GLT8D2: variants seen among roughly 807,000 people sequenced by gnomAD.
GLT8D2 encodes the protein glycosyltransferase 8 domain containing 2.
Under a neutral mutation model 44.5 loss-of-function variants are expected in GLT8D2, and 45 were observed. That is an observed-to-expected ratio of 1.01 (90% CI 0.80 to 1.30). The LOEUF is 1.30. Among genes scored for constraint, GLT8D2 ranks in the 50% most tolerant of loss-of-function variants. The pLI, the probability that GLT8D2 is intolerant of heterozygous loss-of-function variation, is 0.00. For missense variants in GLT8D2, 400 were observed against 430.4 expected (o/e 0.93, Z 0.62); for synonymous variants, 156 against 157.2 (o/e 0.99, Z 0.06).
At chr12:104,018,724 A>C (rs972823448) in intron 3 of GLT8D2, among the ~76,000 whole-genome samples, 6 of 152,100 alleles carry the variant, frequency 3.9e-5, no homozygotes, top group Non-Finnish European at 7.4e-5. Context: ...AAATACAAAA[A>C]TTACCCAGGC....
intron 1 of GLT8D2, chr12:104,030,733 C>T: frequency 6.2e-7 from 1 of 1,611,868 alleles, no homozygotes; most frequent in Non-Finnish European, 8.5e-7. Context: ...CAAAGGACTC[C>T]GGAATCTGCT....
chr12:104,063,430 C>T (rs1882857060), intron 1 of GLT8D2, among the ~76,000 whole-genome samples: 1 of 152,182 alleles, frequency 6.6e-6, no homozygotes, highest in South Asian at 2.1e-4. Flanking sequence ...CCTGTAGTTC[C>T]AGCACTTTGG....
intron 1 of GLT8D2, chr12:104,030,812 G>A (rs1879153196): frequency 1.9e-6 from 3 of 1,604,228 alleles, no homozygotes; most frequent in South Asian, 1.1e-5. Context: ...GATCCGGCAC[G>A]GCGAGAGCGC....
intron 4 of GLT8D2, among the ~76,000 whole-genome samples, chr12:104,003,756 T>C (rs144570189): frequency 1.3e-5 from 2 of 152,292 alleles, no homozygotes; most frequent in Non-Finnish European, 2.9e-5. Context: ...ATCTGGATAA[T>C]TGTGGAACTG....
chr12:104,023,789 G>T (rs779639439), intron 1 of GLT8D2, among the ~76,000 whole-genome samples: 4 of 152,170 alleles, frequency 2.6e-5, no homozygotes, highest in Admixed American at 2.6e-4. Flanking sequence ...CCTACAGGAT[G>T]TAATATTTTG....
chr12:104,004,463 T>C (rs553298554), intron 4 of GLT8D2, among the ~76,000 whole-genome samples: 4 of 152,292 alleles, frequency 2.6e-5, no homozygotes, highest in African/African-American at 4.8e-5. Context: ...GATGACATGA[T>C]TGTATATTTA....
At chr12:104,045,945 G>GAA (rs1457247979) in intron 1 of GLT8D2, among the ~76,000 whole-genome samples, 2 of 142,734 alleles carry the variant, frequency 1.4e-5, no homozygotes, top group Admixed American at 7.1e-5. Flanking sequence ...GAAAAAGAAA[G>GAA]AAAGAAAGAA....
intron 1 of GLT8D2, among the ~76,000 whole-genome samples, chr12:104,038,387 T>C (rs1394404924): frequency 1.3e-5 from 2 of 152,200 alleles, no homozygotes; most frequent in Non-Finnish European, 2.9e-5. Flanking sequence ...ATTGTGCATT[T>C]AGAAAACCCC....
intron 1 of GLT8D2, chr12:104,030,842 T>C: frequency 6.3e-7 from 1 of 1,589,544 alleles, no homozygotes; most frequent in Non-Finnish European, 8.6e-7. Context: ...GGAGAACCGC[T>C]TCAGCGGCTG....
chr12:103,995,844 C>G (rs1873348290), intron 8 of GLT8D2, among the ~76,000 whole-genome samples: 1 of 152,202 alleles, frequency 6.6e-6, no homozygotes. Flanking sequence ...TTTCTATACA[C>G]CAGGCCCTTT....
At position 103,999,361 on chromosome 12, in the gene GLT8D2, A is replaced by C. The variant is rs553098429; in HGVS notation, c.402+36T>G. ...CCTTTACTGAACAAAGGTCTCACCA[A>C]GGACTGTCCCCAGCACCTGTGTGGT... is the stretch of plus-strand genomic sequence containing the variant. On this transcript the variant is annotated intron_variant, in intron 6 of 10. Transcript: ENST00000360814. 4.2e-6 allele frequency: 5 copies of C among 1,183,278 alleles called. No homozygotes were observed. In the East Asian group the frequency reaches 1.2e-4, roughly 28 times the overall value. The allele number at this position is 1,183,278 out of a possible 1,614,324, so 73.3% of individuals were successfully genotyped here.
Position 104,034,320 on chromosome 12 carries a change from C to A in GLT8D2, c.-163-12829G>T, listed in dbSNP as rs538336061. 1.3e-3 allele frequency among the ~76,000 whole-genome samples: 191 copies of A among 152,318 alleles called. 1 individual carries two copies. Among genetic ancestry groups the A allele is most frequent in the African/African-American group, 4.5e-3 (188 of 41,582 alleles). ...GTGGGTGCAGCCCACAGAGGGTGAG[C>A]CGAAGCAGGGCAGGGCATTGCCTCA... On this transcript the variant is annotated intron_variant, in intron 1 of 10. Coordinates refer to ENST00000360814, the MANE Select transcript of GLT8D2 (RefSeq NM_001384711.1).
At chr12:104,010,577 G>T (rs1451835529) in intron 4 of GLT8D2, among the ~76,000 whole-genome samples, 1 of 152,042 alleles carries the variant, frequency 6.6e-6, no homozygotes, top group African/African-American at 2.4e-5. Flanking sequence ...GCTCTGTGAG[G>T]GCAGGTATTT....
At chr12:103,993,094 G>T (rs1872972751) in intron 10 of GLT8D2, among the ~76,000 whole-genome samples, 1 of 152,110 alleles carries the variant, frequency 6.6e-6, no homozygotes, top group Admixed American at 6.5e-5. Context: ...ACTTTGGGAG[G>T]CCGAAATGGG....
At chr12:104,038,131 G>C (rs1394805340) in intron 1 of GLT8D2, among the ~76,000 whole-genome samples, 1 of 152,204 alleles carries the variant, frequency 6.6e-6, no homozygotes, top group Non-Finnish European at 1.5e-5. Flanking sequence ...ACTAGGTACT[G>C]ATGGAACGTG....
At chr12:104,045,167 T>C (rs1288274802) in intron 1 of GLT8D2, among the ~76,000 whole-genome samples, 1 of 152,116 alleles carries the variant, frequency 6.6e-6, no homozygotes, top group Non-Finnish European at 1.5e-5. Flanking sequence ...GTTGCTCTGC[T>C]CTTCAGCCCC....
At chr12:104,056,195 C>A (rs979064776) in intron 1 of GLT8D2, among the ~76,000 whole-genome samples, 4 of 152,140 alleles carry the variant, frequency 2.6e-5, no homozygotes, top group Non-Finnish European at 5.9e-5. Context: ...CAGCCAAGAT[C>A]CATGGCTGGA....
At chr12:104,045,919 GAAA>G (rs1881053016) in intron 1 of GLT8D2, among the ~76,000 whole-genome samples, 1 of 134,384 alleles carries the variant, frequency 7.4e-6, no homozygotes, top group Non-Finnish European at 1.6e-5. Flanking sequence ...AAGAAAGAAA[GAAA>G]GAAAGAAAGA....
At chr12:104,032,466 C>CAAAAAAAAAAAAAAAAAAAAAA (rs547392677) in intron 1 of GLT8D2, among the ~76,000 whole-genome samples, 22 of 59,668 alleles carry the variant, frequency 3.7e-4, no homozygotes, top group African/African-American at 6.7e-4. Context: ...TGTGCAATAG[C>CAAAAAAAAAAAAAAAAAAAAAA]AAAAAAAAAA....
Sources: gnomAD v4.1 joint callset for allele counts (sites outside exome capture counted in the v4.1 genomes callset) on GRCh38, gnomAD v4.1.1 for gene constraint, MANE v1.5 for transcripts, NCBI Gene and HGNC (gene_info 2026-07-23, HGNC 2026-07-21) for gene names.